The following MAPK8 variants were observed in gnomAD, a reference collection of about 807,000 sequenced individuals.
The protein encoded by MAPK8 is mitogen-activated protein kinase 8, also known as JUN N-terminal kinase.
Under a neutral mutation model 52.9 loss-of-function variants are expected in MAPK8, and 13 were observed. The ratio of observed to expected loss-of-function variants is 0.25; its 90% CI spans 0.16 to 0.39. The LOEUF is 0.39. Among genes scored for constraint, MAPK8 ranks in the 10% least tolerant of loss-of-function variants. The pLI is 1.00. For synonymous variants in MAPK8, 191 were observed against 169.8 expected, an observed-to-expected ratio of 1.12 and a Z score of -0.97; for missense variants, 300 against 519.2, an observed-to-expected ratio of 0.58 and a Z score of 4.10.
chr10:48,412,451 C>G (rs1475516541), intron 5 of MAPK8, among the ~76,000 whole-genome samples: 1 of 152,146 alleles, frequency 6.6e-6, no homozygotes, highest in Non-Finnish European at 1.5e-5. Context: ...TCAAATTTAG[C>G]AAATTTTCAG....
intron 1 of MAPK8, among the ~76,000 whole-genome samples, chr10:48,318,648 A>T: frequency 6.6e-6 from 1 of 152,206 alleles, no homozygotes; most frequent in Non-Finnish European, 1.5e-5. Context: ...TGGAATTCAG[A>T]GACAAATCCT....
intron 5 of MAPK8, among the ~76,000 whole-genome samples, chr10:48,419,790 T>C (rs1020675227): frequency 1.3e-5 from 2 of 152,214 alleles, no homozygotes; most frequent in African/African-American, 2.4e-5. Context: ...ATTGGTAATA[T>C]GTTATGCAAA....
At chr10:48,429,639 G>C (rs2044012850) in intron 10 of MAPK8, among the ~76,000 whole-genome samples, 2 of 152,106 alleles carry the variant, frequency 1.3e-5, no homozygotes, top group African/African-American at 4.8e-5. Flanking sequence ...TACTGCAAAT[G>C]TTTATCATTC....
intron 2 of MAPK8, 77 bp downstream of exon 2, chr10:48,401,859 G>A: frequency 2.6e-6 from 3 of 1,171,844 alleles, no homozygotes; most frequent in South Asian, 5.7e-5. Context: ...TAGATACCTT[G>A]GCAAATATTT....
intron 3 of MAPK8, among the ~76,000 whole-genome samples, chr10:48,407,909 C>T (rs1564595337): frequency 6.6e-6 from 1 of 152,084 alleles, no homozygotes; most frequent in Admixed American, 6.5e-5. Flanking sequence ...AGTATTTGTC[C>T]AAGTCTCCTA....
At chr10:48,369,561 C>G (rs1282980736) in intron 1 of MAPK8, among the ~76,000 whole-genome samples, 1 of 151,976 alleles carries the variant, frequency 6.6e-6, no homozygotes, top group Non-Finnish European at 1.5e-5. Flanking sequence ...ATAGTAGATA[C>G]ATATTTGAAA....
At chr10:48,315,519 T>C (rs1236528231) in intron 1 of MAPK8, among the ~76,000 whole-genome samples, 1 of 152,072 alleles carries the variant, frequency 6.6e-6, no homozygotes, top group Non-Finnish European at 1.5e-5. Context: ...AAAACAACCT[T>C]TTCATTTGTT....
intron 1 of MAPK8, among the ~76,000 whole-genome samples, chr10:48,385,613 GT>G (rs138020774): frequency 9.7e-4 from 145 of 149,788 alleles, no homozygotes; most frequent in African/African-American, 3.5e-3. Context: ...TAAAAAATGA[GT>G]TTTTTTTTTA....
intron 6 of MAPK8, among the ~76,000 whole-genome samples, chr10:48,421,383 C>G (rs931548444): frequency 6.6e-6 from 1 of 152,102 alleles, no homozygotes; most frequent in Admixed American, 6.5e-5. Flanking sequence ...CGTGACCCAC[C>G]AGCATGAAGA....
intron 1 of MAPK8, among the ~76,000 whole-genome samples, chr10:48,372,475 G>T (rs1564544076): frequency 6.6e-6 from 1 of 151,850 alleles, no homozygotes; most frequent in Non-Finnish European, 1.5e-5. Context: ...TAAGAACCTG[G>T]AAAAAAGGTT....
Position 48,404,865 on chromosome 10 carries a change from G to T in MAPK8, c.136G>T (p.Ala46Ser). The change falls in exon 3 of 12, where the codon GCC becomes TCC. Residue 46 changes from alanine (A) to serine (S), a missense_variant. Physicochemically the swap from Ala to Ser is moderately conservative, Grantham distance 99 (BLOSUM62 1). Around this residue, in one of 3 missense-constraint regions of MAPK8, gnomAD observed 147 missense variants for 328.1 expected, o/e 0.45. Transcript: ENST00000374189. Reference protein sequence around the residue: ...AQGIVCAAYDAILERNVAIKK... With the variant: ...AQGIVCAAYDSILERNVAIKK... ...TTCTTATTACAGCGCAGCTTATGATGCCATTCTTGAAAGAAATGTTGCAAT... is the reference window on the plus strand; with the variant it reads ...TTCTTATTACAGCGCAGCTTATGATTCCATTCTTGAAAGAAATGTTGCAAT... The T allele has an allele frequency of 1.9e-6, 3 of 1,599,558 alleles. No individual in the cohort carries two copies. The South Asian group carries it at 3.4e-5, about 18-fold the overall frequency.
At chr10:48,322,986 A>G (rs992916197) in intron 1 of MAPK8, among the ~76,000 whole-genome samples, 3 of 152,168 alleles carry the variant, frequency 2.0e-5, no homozygotes, top group African/African-American at 7.2e-5. Flanking sequence ...TTTTAAGGAA[A>G]GCGATTTGTT....
At chr10:48,414,638 A>G (rs1010821994) in intron 5 of MAPK8, among the ~76,000 whole-genome samples, 5 of 144,558 alleles carry the variant, frequency 3.5e-5, no homozygotes, top group Non-Finnish European at 7.5e-5. Context: ...GTGCAGTAGC[A>G]TGAACATGGC....
intron 3 of MAPK8, among the ~76,000 whole-genome samples, chr10:48,406,882 G>C (rs544336175): frequency 2.0e-5 from 3 of 152,298 alleles, no homozygotes; most frequent in East Asian, 1.9e-4. Context: ...CAAATCCTCT[G>C]AGAGGAGCTG....
chr10:48,360,489 TG>T (rs1847418916), intron 1 of MAPK8, among the ~76,000 whole-genome samples: 1 of 152,070 alleles, frequency 6.6e-6, no homozygotes, highest in South Asian at 2.1e-4. Flanking sequence ...AGCAAATGTG[TG>T]GGGGAGGCAT....
chr10:48,320,176 A>G (rs929683079), intron 1 of MAPK8, among the ~76,000 whole-genome samples: 2 of 128,494 alleles, frequency 1.6e-5, no homozygotes, highest in Non-Finnish European at 3.1e-5. Context: ...TGGCCTCCCA[A>G]GTGCTGGGAT....
At chr10:48,331,876 A>G (rs1844184126) in intron 1 of MAPK8, among the ~76,000 whole-genome samples, 1 of 152,192 alleles carries the variant, frequency 6.6e-6, no homozygotes. Flanking sequence ...CCTAAGGAGT[A>G]CTATTGGGAG....
intron 1 of MAPK8, among the ~76,000 whole-genome samples, chr10:48,366,219 A>G (rs2132577508): frequency 6.6e-6 from 1 of 152,200 alleles, no homozygotes; most frequent in African/African-American, 2.4e-5. Flanking sequence ...TTGGTGATGC[A>G]GTATGCCTTT....
chr10:48,309,579 T>C (rs1161823557), intron 1 of MAPK8, among the ~76,000 whole-genome samples: 2 of 152,184 alleles, frequency 1.3e-5, no homozygotes, highest in Non-Finnish European at 2.9e-5. Context: ...GCTCCATGCC[T>C]GATATTATCA....
Sources: gnomAD v4.1 joint callset for allele counts (sites outside exome capture counted in the v4.1 genomes callset) on GRCh38, gnomAD v4.1.1 for gene constraint, gnomAD v4.1.1 regional missense constraint, MANE v1.5 for transcripts, NCBI Gene and HGNC (gene_info 2026-07-23, HGNC 2026-07-21) for gene names.